CCSER1: variants seen among roughly 807,000 people sequenced by gnomAD.
CCSER1 encodes the protein coiled-coil serine rich protein 1.
Under a neutral mutation model 82.0 loss-of-function variants are expected in CCSER1, and 41 were observed. The ratio of observed to expected loss-of-function variants is 0.50; its 90% CI spans 0.39 to 0.65. CCSER1 has a LOEUF of 0.65. Ranked by LOEUF, CCSER1 falls within the 30% of genes least tolerant of loss-of-function variation. The probability of loss-of-function intolerance (pLI) is 0.00; values close to 1 mark genes in which losing one functional copy is unlikely to be tolerated. For synonymous variants in CCSER1, 414 were observed against 383.9 expected, an observed-to-expected ratio of 1.08 and a Z score of -0.92; for missense variants, 1,119 against 1,064.2, an observed-to-expected ratio of 1.05 and a Z score of -0.72.
intron 10 of CCSER1, among the ~76,000 whole-genome samples, chr4:91,120,478 G>A (rs1726991351): frequency 6.6e-6 from 1 of 151,956 alleles, no homozygotes; most frequent in African/African-American, 2.4e-5. Context: ...ATTATTGCAA[G>A]GTTTTAAGTC....
At chr4:90,471,750 G>C (rs1411975486) in intron 5 of CCSER1, among the ~76,000 whole-genome samples, 1 of 151,414 alleles carries the variant, frequency 6.6e-6, no homozygotes, top group Non-Finnish European at 1.5e-5. Context: ...CGAGGCGGGC[G>C]GATCACTTGA....
At chr4:91,426,807 A>T (rs991465819) in intron 10 of CCSER1, among the ~76,000 whole-genome samples, 1 of 152,200 alleles carries the variant, frequency 6.6e-6, no homozygotes, top group Admixed American at 6.5e-5. Flanking sequence ...TTAAATTTAT[A>T]TAAAAAAATG....
chr4:90,651,263 C>T (rs184840453), intron 6 of CCSER1, among the ~76,000 whole-genome samples: 59 of 152,210 alleles, frequency 3.9e-4, no homozygotes, highest in South Asian at 1.0e-3. Flanking sequence ...GCACTATTCA[C>T]AATAGCAAAG....
chr4:91,442,491 A>G (rs1037885592), intron 10 of CCSER1, among the ~76,000 whole-genome samples: 1 of 135,790 alleles, frequency 7.4e-6, no homozygotes, highest in African/African-American at 2.7e-5. Context: ...TTAAAGACTT[A>G]AACGTTAGAC....
At chr4:91,204,929 CAAT>C (rs1415831208) in intron 10 of CCSER1, among the ~76,000 whole-genome samples, 3 of 151,516 alleles carry the variant, frequency 2.0e-5, no homozygotes. Context: ...CTTTAAGTAA[CAAT>C]AAAATGCAGC....
intron 5 of CCSER1, among the ~76,000 whole-genome samples, chr4:90,593,852 A>G (rs554973317): frequency 1.3e-5 from 2 of 152,172 alleles, no homozygotes; most frequent in Admixed American, 1.3e-4. Flanking sequence ...CTACAGGACT[A>G]AGAGCTCTGT....
rs72886633 is a variant in CCSER1 at position 91,047,025 on chromosome 4, G to A, written c.2173-38925G>A. 4.4e-3 allele frequency among the ~76,000 whole-genome samples: 668 copies of A among 152,180 alleles called. 2 individuals are homozygous for A. Among genetic ancestry groups the A allele is most frequent in the African/African-American group, 0.015 (641 of 41,516 alleles). On this transcript the variant is annotated intron_variant, in intron 9 of 10. Transcript: ENST00000509176. ...ATGTTTTTAACTGTCAAGGCTAAGA[G>A]TTGTTTATATCATTTACATCCTAAT...
At chr4:91,125,959 C>T (rs1581603381) in intron 10 of CCSER1, among the ~76,000 whole-genome samples, 1 of 151,496 alleles carries the variant, frequency 6.6e-6, no homozygotes, top group Non-Finnish European at 1.5e-5. Context: ...AAAAAATTTG[C>T]TTTCATGGAA....
chr4:91,528,099 T>G (rs1760853417), intron 10 of CCSER1, among the ~76,000 whole-genome samples: 1 of 151,978 alleles, frequency 6.6e-6, no homozygotes, highest in Non-Finnish European at 1.5e-5. Flanking sequence ...TGTAGTATTA[T>G]TAGTAGAGAA....
At chr4:91,044,232 C>T (rs893895857) in intron 9 of CCSER1, among the ~76,000 whole-genome samples, 19 of 151,988 alleles carry the variant, frequency 1.3e-4, no homozygotes, top group East Asian at 3.9e-4. Context: ...AGGAGGACTC[C>T]GGGAAAGAAA....
At chr4:90,143,689 T>G (rs1725262155) in intron 1 of CCSER1, among the ~76,000 whole-genome samples, 1 of 151,744 alleles carries the variant, frequency 6.6e-6, no homozygotes, top group Admixed American at 6.6e-5. Flanking sequence ...TCCTACTTTT[T>G]TTTTTTTTTT....
chr4:90,248,545 C>T (rs1203893553), intron 1 of CCSER1, among the ~76,000 whole-genome samples: 1 of 152,090 alleles, frequency 6.6e-6, no homozygotes, highest in African/African-American at 2.4e-5. Flanking sequence ...TGCTCAGGTC[C>T]TTAGGTAAAT....
chr4:90,506,898 C>A (rs1250856053), intron 5 of CCSER1, among the ~76,000 whole-genome samples: 4 of 152,218 alleles, frequency 2.6e-5, no homozygotes, highest in South Asian at 2.1e-4. Flanking sequence ...ATCAGGTATT[C>A]TTTTTAAGCT....
intron 3 of CCSER1, among the ~76,000 whole-genome samples, chr4:90,368,768 G>GCA (rs71596526): frequency 0.012 from 1,810 of 149,950 alleles, 30 homozygotes; most frequent in Non-Finnish European, 0.017. Flanking sequence ...ATATAAATAC[G>GCA]CACACACACA....
chr4:91,418,036 G>T (rs1353638764), intron 10 of CCSER1, among the ~76,000 whole-genome samples: 1 of 151,858 alleles, frequency 6.6e-6, no homozygotes, highest in Non-Finnish European at 1.5e-5. Flanking sequence ...TGACACAAAA[G>T]AATATTGAAA....
At chr4:90,609,119 TAGA>T (rs1785126156) in intron 5 of CCSER1, among the ~76,000 whole-genome samples, 2 of 152,132 alleles carry the variant, frequency 1.3e-5, no homozygotes, top group Admixed American at 1.3e-4. Context: ...TTGACCATAA[TAGA>T]AGTGTGATTA....
At chr4:90,260,810 G>A (rs1246300194) in intron 1 of CCSER1, among the ~76,000 whole-genome samples, 3 of 152,158 alleles carry the variant, frequency 2.0e-5, no homozygotes, top group Non-Finnish European at 1.5e-5. Context: ...CCGCCTCCTG[G>A]GTTCAAGCAA....
chr4:90,506,532 G>A (rs888355685), intron 5 of CCSER1, among the ~76,000 whole-genome samples: 3 of 152,050 alleles, frequency 2.0e-5, no homozygotes, highest in African/African-American at 7.2e-5. Flanking sequence ...AGAGGCCAAG[G>A]CAGGTGGATT....
intron 8 of CCSER1, among the ~76,000 whole-genome samples, chr4:90,919,113 A>AAG (rs1561363949): frequency 3.6e-5 from 5 of 140,308 alleles, no homozygotes; most frequent in Non-Finnish European, 7.6e-5. Context: ...AAAAAAAAAA[A>AAG]GGACTTAGTA....
Sources: allele counts gnomAD v4.1 joint callset (sites outside exome capture counted in the v4.1 genomes callset), GRCh38; gene constraint gnomAD v4.1.1; transcripts MANE v1.5; gene names NCBI Gene and HGNC (gene_info 2026-07-23, HGNC 2026-07-21).